Variants in EZH2 observed in about 807,000 individuals in gnomAD.
EZH2 encodes histone-lysine N-methyltransferase EZH2.
Under a neutral mutation model 98.4 loss-of-function variants are expected in EZH2, and 18 were observed. The ratio of observed to expected loss-of-function variants is 0.18; its 90% CI spans 0.13 to 0.27. EZH2 has a LOEUF of 0.27. EZH2 is among the 10% of genes least tolerant of loss of function. The pLI, the probability that EZH2 is intolerant of heterozygous loss-of-function variation, is 1.00. For synonymous variants in EZH2, 338 were observed against 312.3 expected, an observed-to-expected ratio of 1.08 and a Z score of -0.87; for missense variants, 470 against 935.1, an observed-to-expected ratio of 0.50 and a Z score of 6.49.
At chr7:148,833,063 T>C (rs902276246) in intron 3 of EZH2, among the ~76,000 whole-genome samples, 1 of 152,230 alleles carries the variant, frequency 6.6e-6, no homozygotes, top group Non-Finnish European at 1.5e-5. Context: ...GCTTTTCCTA[T>C]ACATTTATTT....
intron 15 of EZH2, among the ~76,000 whole-genome samples, chr7:148,813,644 C>G (rs10267640): frequency 6.6e-6 from 1 of 151,026 alleles, no homozygotes; most frequent in Non-Finnish European, 1.5e-5. Flanking sequence ...AAACTATTAA[C>G]TAAAAGACAA....
intron 1 of EZH2, among the ~76,000 whole-genome samples, chr7:148,861,020 A>G (rs1267498225): frequency 6.6e-6 from 1 of 151,942 alleles, no homozygotes; most frequent in East Asian, 1.9e-4. Context: ...CTCAGTATCC[A>G]TGGGGGTCTA....
At chr7:148,822,373 G>T (rs930211989) in intron 8 of EZH2, among the ~76,000 whole-genome samples, 1 of 151,768 alleles carries the variant, frequency 6.6e-6, no homozygotes. Context: ...AGCTGGATGT[G>T]GTAGCACATG....
chr7:148,815,378 T>C (rs935899949), intron 13 of EZH2, 128 bp downstream of exon 13: 9 of 958,230 alleles, frequency 9.4e-6, no homozygotes, highest in Admixed American at 7.7e-5. Context: ...TCCATTCAAA[T>C]TGGTTTAACA....
chr7:148,814,529 T>C (rs971402590), intron 14 of EZH2, among the ~76,000 whole-genome samples: 1 of 152,204 alleles, frequency 6.6e-6, no homozygotes, highest in African/African-American at 2.4e-5. Context: ...TATGCTACAT[T>C]CCTTTAATCT....
chr7:148,872,468 A>G (rs1254017947), intron 1 of EZH2, among the ~76,000 whole-genome samples: 1 of 152,238 alleles, frequency 6.6e-6, no homozygotes, highest in Non-Finnish European at 1.5e-5. Flanking sequence ...AATGGTAAAC[A>G]TGATTAATTT....
In EZH2 at chr7:148,846,433, A is replaced by G. The variant is rs10274535; in HGVS notation, c.246+37T>C. The G allele has an allele frequency of 0.7, 1,104,585 of 1,586,100 alleles. 388,036 individuals are homozygous for G. The highest frequency in any genetic ancestry group is 0.94 in the African/African-American group (69,910 of 74,278). ...ATGTTCCAATAGCATAAACCAAAAG[A>G]TGATGATAATTACTACAACATGTTA... On this transcript the variant is annotated intron_variant, in intron 3 of 19. Transcript: ENST00000320356.
At chr7:148,864,928 A>G (rs1217138025) in intron 1 of EZH2, among the ~76,000 whole-genome samples, 8 of 152,066 alleles carry the variant, frequency 5.3e-5, no homozygotes, top group African/African-American at 1.9e-4. Flanking sequence ...GGAGTTGGAG[A>G]TCAGCCTGGC....
At chr7:148,843,689 A>T (rs187135053) in intron 3 of EZH2, among the ~76,000 whole-genome samples, 1 of 126,470 alleles carries the variant, frequency 7.9e-6, no homozygotes, top group South Asian at 2.7e-4. Context: ...TCCGCCTCCC[A>T]GGTTCACGCC....
rs1563205499 is a variant in EZH2 at position 148,815,562 on chromosome 7, G to T, written c.1506-16C>A. The T allele has an allele frequency of 3.1e-6, 5 of 1,613,568 alleles. No individual in the cohort carries two copies. The highest frequency in any genetic ancestry group is 4.2e-6 in the Non-Finnish European group (5 of 1,179,482). The stretch of plus-strand genomic sequence containing the variant: ...AGCCCACAACCTGCAAAAACACAAA[G>T]AAAATTAAACCAAATTTCTGCGGGA... On this transcript the variant is annotated splice_polypyrimidine_tract_variant and intron_variant, in intron 12 of 19. Transcript: ENST00000320356.
intron 1 of EZH2, among the ~76,000 whole-genome samples, chr7:148,866,556 A>ATATACATATATATATG (rs1476038310): frequency 3.1e-4 from 39 of 125,648 alleles, no homozygotes; most frequent in Non-Finnish European, 6.1e-4. Context: ...ATATATATAC[A>ATATACATATATATATG]TATATACATA....
intron 1 of EZH2, among the ~76,000 whole-genome samples, chr7:148,877,248 C>A (rs939802904): frequency 6.6e-6 from 1 of 152,132 alleles, no homozygotes; most frequent in Admixed American, 6.6e-5. Context: ...GGGATCAATA[C>A]GCTTTCATTT....
chr7:148,863,846 A>G (rs1818057743), intron 1 of EZH2, among the ~76,000 whole-genome samples: 1 of 152,198 alleles, frequency 6.6e-6, no homozygotes, highest in Non-Finnish European at 1.5e-5. Flanking sequence ...GAGCATTCCA[A>G]AAGTGTTAAA....
chr7:148,857,795 C>T (rs999406306), intron 1 of EZH2, among the ~76,000 whole-genome samples: 5 of 151,730 alleles, frequency 3.3e-5, no homozygotes, highest in Non-Finnish European at 1.5e-5. Flanking sequence ...AAAATTACTC[C>T]AAAATAAAGT....
At chr7:148,876,526 T>C (rs912807555) in intron 1 of EZH2, among the ~76,000 whole-genome samples, 6 of 152,166 alleles carry the variant, frequency 3.9e-5, no homozygotes, top group Admixed American at 3.9e-4. Context: ...AAACTAGAAA[T>C]GTTCATAATC....
At position 148,814,800 on chromosome 7, in the gene EZH2, G is replaced by A. The variant is rs983555019; in HGVS notation, c.1672+114C>T. On this transcript the variant is annotated intron_variant, in intron 14 of 19. Transcript: ENST00000320356. ...CAATAAATACTTGTCAAATTGATGA[G>A]TTTCGTCAAGTAAACAAGGGAGTGC... The A allele has an allele frequency of 4.0e-5, 52 of 1,291,092 alleles. No homozygotes were observed. The South Asian group carries it at 7.8e-4, about 19-fold the overall frequency. The allele number at this position is 1,291,092 out of a possible 1,614,324, so 80.0% of individuals were successfully genotyped here.
chr7:148,834,978 T>C (rs976413558), intron 3 of EZH2, among the ~76,000 whole-genome samples: 1 of 152,166 alleles, frequency 6.6e-6, no homozygotes, highest in Non-Finnish European at 1.5e-5. Context: ...GTCAGAAAGG[T>C]AGCAAATTAC....
chr7:148,864,533 T>C (rs984158959), intron 1 of EZH2, among the ~76,000 whole-genome samples: 1 of 151,504 alleles, frequency 6.6e-6, no homozygotes, highest in African/African-American at 2.4e-5. Context: ...AAATACAAAT[T>C]AGCCAGGCGT....
At chr7:148,860,733 G>T (rs1326485061) in intron 1 of EZH2, among the ~76,000 whole-genome samples, 4 of 152,086 alleles carry the variant, frequency 2.6e-5, no homozygotes, top group African/African-American at 7.2e-5. Context: ...GTGCACTGGC[G>T]CAATCACGGC....
Sources: gnomAD v4.1 joint callset for allele counts (sites outside exome capture counted in the v4.1 genomes callset) on GRCh38, gnomAD v4.1.1 for gene constraint, MANE v1.5 for transcripts, NCBI Gene and HGNC (gene_info 2026-07-23, HGNC 2026-07-21) for gene names.